BTBD9: variants seen among roughly 807,000 people sequenced by gnomAD.
BTBD9 encodes the protein BTB/POZ domain-containing protein 9.
BTBD9 carries 49 observed loss-of-function variants against 64.3 expected under a neutral mutation model. The observed-to-expected ratio is 0.76, with a 90% CI of 0.61 to 0.97. The LOEUF is 0.97. Among genes scored for constraint, BTBD9 ranks in the 50% least tolerant of loss-of-function variants. BTBD9 has a pLI of 0.00. For missense variants in BTBD9, 598 were observed against 762.1 expected, an observed-to-expected ratio of 0.78 and a Z score of 2.53; for synonymous variants, 260 against 274.7, an observed-to-expected ratio of 0.95 and a Z score of 0.53.
intron 6 of BTBD9, among the ~76,000 whole-genome samples, chr6:38,500,124 G>C (rs1772129216): frequency 6.6e-6 from 1 of 152,048 alleles, no homozygotes; most frequent in East Asian, 1.9e-4. Context: ...GCAGAAAATA[G>C]AAAGGTGTCA....
chr6:38,550,254 C>T (rs1774736131), intron 6 of BTBD9, among the ~76,000 whole-genome samples: 1 of 152,054 alleles, frequency 6.6e-6, no homozygotes, highest in Non-Finnish European at 1.5e-5. Flanking sequence ...TAACATAGTT[C>T]TATCCTTTCA....
intron 1 of BTBD9, among the ~76,000 whole-genome samples, chr6:38,612,535 C>T (rs1777644885): frequency 6.6e-6 from 1 of 152,194 alleles, no homozygotes. Flanking sequence ...CCTTTGAATT[C>T]CTAAGTCTTT....
intron 7 of BTBD9, among the ~76,000 whole-genome samples, chr6:38,296,876 T>C (rs1363798651): frequency 1.3e-5 from 2 of 152,204 alleles, no homozygotes; most frequent in Non-Finnish European, 2.9e-5. Context: ...GTGTGTCCGA[T>C]GTGACTTCGT....
In BTBD9 at chr6:38,241,404, C is replaced by T. The variant is rs185638444; in HGVS notation, c.1562+15005G>A. Among the ~76,000 whole-genome samples the T allele has an allele frequency of 1.5e-3, 230 of 152,306 alleles. 1 individual carries two copies. Among genetic ancestry groups the T allele is most frequent in the Non-Finnish European group, 2.5e-3 (168 of 68,030 alleles). Reference sequence around the variant, plus strand: ...ACAAATTTAATGTGCAACATTGCCTCAAGGTAGAAGGCCGAACAAGATGAC... The same window carrying T: ...ACAAATTTAATGTGCAACATTGCCTTAAGGTAGAAGGCCGAACAAGATGAC... On this transcript the variant is annotated intron_variant, in intron 9 of 10. Transcript: ENST00000481247.
At chr6:38,617,460 A>G (rs1217613983) in intron 1 of BTBD9, among the ~76,000 whole-genome samples, 3 of 152,148 alleles carry the variant, frequency 2.0e-5, no homozygotes, top group African/African-American at 7.2e-5. Flanking sequence ...AGTTTCTCCT[A>G]TAAGGATAAT....
chr6:38,530,772 T>G (rs1049031619), intron 6 of BTBD9, among the ~76,000 whole-genome samples: 3 of 151,814 alleles, frequency 2.0e-5, no homozygotes, highest in Non-Finnish European at 4.4e-5. Context: ...CCAGATAAAT[T>G]TAATGAAGAG....
At chr6:38,245,738 C>T (rs7756345) in intron 9 of BTBD9, among the ~76,000 whole-genome samples, 16,427 of 152,020 alleles carry the variant, frequency 0.11, 1,332 homozygotes, top group East Asian at 0.48. Flanking sequence ...TGGAGTGGAA[C>T]AGGTAAGTGA....
At chr6:38,385,959 T>A (rs141130147) in intron 6 of BTBD9, among the ~76,000 whole-genome samples, 5,126 of 151,812 alleles carry the variant, frequency 0.034, 173 homozygotes, top group East Asian at 0.11. Flanking sequence ...CATGCCTAAT[T>A]TTTGTATTTT....
intron 8 of BTBD9, among the ~76,000 whole-genome samples, chr6:38,262,226 A>G (rs917772734): frequency 2.0e-5 from 3 of 152,218 alleles, no homozygotes; most frequent in Non-Finnish European, 4.4e-5. Context: ...AACTGAAATG[A>G]GCTCCTTAAA....
chr6:38,510,720 T>C (rs996233728), intron 6 of BTBD9, among the ~76,000 whole-genome samples: 1 of 152,214 alleles, frequency 6.6e-6, no homozygotes, highest in Admixed American at 6.5e-5. Context: ...TTGAACTCTT[T>C]TATTAAATAC....
rs555175082 is a variant in BTBD9 at position 38,225,929 on chromosome 6, C to T, written c.1562+30480G>A. Among the ~76,000 whole-genome samples the T allele has an allele frequency of 9.2e-5, 14 of 152,336 alleles. No homozygotes were observed. The East Asian group carries it at 2.3e-3, about 25-fold the overall frequency. On this transcript the variant is annotated intron_variant, in intron 9 of 10. Transcript: ENST00000481247. ...ACACACATAGAGAAGACTAACAATA[C>T]TGGTACTTGATGACTGAGCACGTTT...
intron 6 of BTBD9, among the ~76,000 whole-genome samples, chr6:38,407,489 G>C (rs1197512997): frequency 6.6e-6 from 1 of 152,036 alleles, no homozygotes; most frequent in Non-Finnish European, 1.5e-5. Context: ...ACGAGAAGCA[G>C]ACCAGCCACA....
chr6:38,274,095 G>C (rs979805989), intron 8 of BTBD9, among the ~76,000 whole-genome samples: 1 of 152,214 alleles, frequency 6.6e-6, no homozygotes, highest in African/African-American at 2.4e-5. Context: ...GGTCCTTCAC[G>C]TCCCTTGTAC....
chr6:38,587,489 T>C, intron 4 of BTBD9: 3 of 550,806 alleles, frequency 5.4e-6, no homozygotes, highest in South Asian at 3.2e-5. Context: ...AATGTTGAAG[T>C]AACAATAAAG....
chr6:38,316,634 T>C (rs1384256452), intron 7 of BTBD9, among the ~76,000 whole-genome samples: 2 of 152,200 alleles, frequency 1.3e-5, no homozygotes, highest in African/African-American at 4.8e-5. Flanking sequence ...TATTTATATA[T>C]TATTGTACTA....
At chr6:38,335,881 C>G (rs1184253786) in intron 7 of BTBD9, among the ~76,000 whole-genome samples, 4 of 151,976 alleles carry the variant, frequency 2.6e-5, no homozygotes, top group Non-Finnish European at 5.9e-5. Flanking sequence ...TTACAGGTGC[C>G]CGCCACCACA....
chr6:38,594,458 G>A, intron 2 of BTBD9, 131 bp from the exon 3 acceptor site: 3 of 1,112,742 alleles, frequency 2.7e-6, no homozygotes, highest in Non-Finnish European at 3.7e-6. Context: ...GTGAAAAAAT[G>A]CAAAGTAATC....
At chr6:38,515,184 T>A (rs1192878062) in intron 6 of BTBD9, among the ~76,000 whole-genome samples, 1 of 152,224 alleles carries the variant, frequency 6.6e-6, no homozygotes, top group African/African-American at 2.4e-5. Flanking sequence ...TTACTTCTAT[T>A]CCACAGACTT....
chr6:38,296,538 C>T (rs1277311285), intron 7 of BTBD9, among the ~76,000 whole-genome samples: 1 of 151,998 alleles, frequency 6.6e-6, no homozygotes, highest in African/African-American at 2.4e-5. Flanking sequence ...GTTTAACTCA[C>T]TAATCTTTTT....
Sources: allele counts gnomAD v4.1 joint callset (sites outside exome capture counted in the v4.1 genomes callset), GRCh38; gene constraint gnomAD v4.1.1; transcripts MANE v1.5; gene names NCBI Gene and HGNC (gene_info 2026-07-23, HGNC 2026-07-21).